MTMR9: variants seen among roughly 807,000 people sequenced by gnomAD.
MTMR9 encodes myotubularin-related protein 9.
A neutral mutation model predicts 69.5 loss-of-function variants in MTMR9; 39 were observed. The observed-to-expected ratio is 0.56, with a 90% confidence interval of 0.43 to 0.73. The LOEUF (loss-of-function observed/expected upper bound fraction) is 0.73. MTMR9 is among the 30% of genes least tolerant of loss of function. The probability of loss-of-function intolerance (pLI) is 0.00; values close to 1 mark genes in which losing one functional copy is unlikely to be tolerated. For synonymous variants in MTMR9, 354 were observed against 240.8 expected (o/e 1.47, Z -4.35); for missense variants, 900 against 671.2 (o/e 1.34, Z -3.77).
At chr8:11,295,906 C>G (rs1226839446) in intron 2 of MTMR9, among the ~76,000 whole-genome samples, 1 of 152,136 alleles carries the variant, frequency 6.6e-6, no homozygotes, top group Non-Finnish European at 1.5e-5. Flanking sequence ...CATCTGCCCT[C>G]TACAGAGTTC....
In MTMR9 at chr8:11,314,651, A is replaced by C. The variant is rs142749785; in HGVS notation, c.972-272A>C. ...AAAATTCAGCTAAAAGGTTCTGTGAAATTTGTTATAACTTAAAGAGGTCTT... is the reference window on the plus strand; with the variant it reads ...AAAATTCAGCTAAAAGGTTCTGTGACATTTGTTATAACTTAAAGAGGTCTT... On this transcript the variant is annotated intron_variant, in intron 6 of 9. Transcript: ENST00000221086. Among the ~76,000 whole-genome samples, 582 of 152,330 alleles carry C rather than the reference A, an allele frequency of 3.8e-3. 5 individuals are homozygous for C. Among genetic ancestry groups the C allele is most frequent in the African/African-American group, 0.013 (522 of 41,568 alleles).
intron 2 of MTMR9, chr8:11,298,947 A>G (rs1799656149): frequency 1.2e-6 from 1 of 842,324 alleles, no homozygotes; most frequent in South Asian, 5.4e-5. Flanking sequence ...GCATGAAAAT[A>G]TGATGATACA....
At chr8:11,331,001 G>A, downstream of MTMR9, 4 of 1,489,978 alleles carry the variant, frequency 2.7e-6, no homozygotes, top group Non-Finnish European at 2.7e-6. Context: ...CCTCAGGAGA[G>A]TTCCAGGGAA....
intron 5 of MTMR9, among the ~76,000 whole-genome samples, chr8:11,309,020 C>G (rs540218620): frequency 9.9e-5 from 15 of 152,220 alleles, no homozygotes; most frequent in Middle Eastern, 6.8e-3. Context: ...CCATATCGAC[C>G]TATTTTCGCA....
chr8:11,331,256 T>C (rs1801210965), downstream of MTMR9: 1 of 1,613,932 alleles, frequency 6.2e-7, no homozygotes, highest in Non-Finnish European at 8.5e-7. Flanking sequence ...GGGGCCTGCC[T>C]GCTGGCTTCG....
In MTMR9 at chr8:11,314,429, A is replaced by C. The variant is rs561701685; in HGVS notation, c.972-494A>C. On this transcript the variant is annotated intron_variant, in intron 6 of 9. Transcript: ENST00000221086. ...TTTCTCAAAGTGTGGTCTAGGTCTC[A>C]TTTTCCAGATTGAATTACAGTTTAT... Among the ~76,000 whole-genome samples the C allele has an allele frequency of 1.2e-4, 19 of 152,110 alleles. No individual in the cohort carries two copies. The South Asian group carries it at 3.7e-3, about 30-fold the overall frequency.
At position 11,325,389 on chromosome 8, in the gene MTMR9, C is replaced by G. The variant is rs1800885532; in HGVS notation, c.*2601C>G. Reference sequence around the variant, plus strand: ...GTTAAACATTGCATCGGAGAGCTGCCTTTGATAAATGTGCTGTTAAACACT... The same window carrying G: ...GTTAAACATTGCATCGGAGAGCTGCGTTTGATAAATGTGCTGTTAAACACT... On this transcript the variant is annotated 3_prime_UTR_variant, in exon 10 of 10. Transcript: ENST00000221086. 6.6e-6 allele frequency: 1 copy of G among 152,166 alleles called. No individual in the cohort carries two copies. The highest frequency in any genetic ancestry group is 6.5e-5 in the Admixed American group (1 of 15,276). The allele number at this position is 152,166 out of a possible 1,614,324, so 9.4% of individuals were successfully genotyped here.
intron 6 of MTMR9, 32 bp downstream of exon 6, chr8:11,309,720 C>T: frequency 1.9e-6 from 3 of 1,607,238 alleles, no homozygotes; most frequent in Non-Finnish European, 2.5e-6. Context: ...CTGAGCGAAA[C>T]ATGGCGCTGC....
the MTMR9 span, among the ~76,000 whole-genome samples, chr8:11,335,057 T>G: frequency 6.6e-6 from 1 of 152,184 alleles, no homozygotes; most frequent in African/African-American, 2.4e-5. Flanking sequence ...CTTTCAACAT[T>G]GTATGGGAAA....
chr8:11,338,498 C>T, the MTMR9 span, among the ~76,000 whole-genome samples: 2 of 152,052 alleles, frequency 1.3e-5, no homozygotes, highest in Admixed American at 1.3e-4. Flanking sequence ...CAGATGGCAA[C>T]AATTAATCTT....
rs148685240 is a variant in MTMR9, at chr8:11,322,767, C to T, written c.1629C>T (p.Asp543=). ...RRQLAELETE[D]GMQESP ...AGTTGGCAGAACTGGAAACAGAGGA[C>T]GGGATGCAGGAGAGTCCCTGAAAGG... Residue 543 remains aspartate (D), a synonymous_variant, in exon 10 of 10, where the codon GAC becomes GAT. Coordinates refer to ENST00000221086, the MANE Select transcript of MTMR9 (RefSeq NM_015458.4). 42 of 1,613,874 alleles carry T rather than the reference C, an allele frequency of 2.6e-5. No individual in the cohort carries two copies. Among genetic ancestry groups the T allele is most frequent in the African/African-American group, 2.4e-4 (18 of 74,996 alleles).
rs1056520605 is a variant in MTMR9, at chr8:11,325,913, G to A, written c.*3125G>A. The A allele has an allele frequency of 2.0e-5, 3 of 152,082 alleles. No homozygotes were observed. Among genetic ancestry groups the A allele is most frequent in the South Asian group, 2.1e-4 (1 of 4,816 alleles). The allele number at this position is 152,082 out of a possible 1,614,324, so 9.4% of individuals were successfully genotyped here. A position where few individuals can be genotyped will look rare whatever the true frequency, so the allele number is the denominator to read the frequency against. On this transcript the variant is annotated 3_prime_UTR_variant, in exon 10 of 10. Coordinates refer to ENST00000221086, the MANE Select transcript of MTMR9 (RefSeq NM_015458.4). ...TAAAGTGATTTTTGAGAAGACTTGG[G>A]GGGGACAATAATAGACATTCATGTC...
At chr8:11,319,937 A>G (rs1800600994) in intron 9 of MTMR9, 99 bp downstream of exon 9, 4 of 1,295,580 alleles carry the variant, frequency 3.1e-6, no homozygotes, top group Non-Finnish European at 4.3e-6. Flanking sequence ...GGTGAGCTGG[A>G]CGTGGCCCTC....
In MTMR9 at chr8:11,316,852, C is replaced by G. The variant is rs762673979; in HGVS notation, c.1293C>G (p.Ala431=). 1.2e-6 allele frequency: 2 copies of G among 1,611,686 alleles called. No individual in the cohort carries two copies. Among genetic ancestry groups the G allele is most frequent in the Middle Eastern group, 3.3e-4 (2 of 6,046 alleles). ...FLIMLFEHAY[A]SQFGTFLGNN... is the part of the protein sequence containing the mutation. ...TCATGCTCTTTGAGCATGCTTATGC[C>G]TCACAGTTTGGAACATTTCTGGGCA... The change falls in exon 8 of 10, where the codon GCC becomes GCG. Residue 431 remains alanine, a synonymous_variant. Transcript: ENST00000221086.
intron 3 of MTMR9, among the ~76,000 whole-genome samples, chr8:11,303,037 C>G (rs1213750475): frequency 6.6e-6 from 1 of 151,302 alleles, no homozygotes; most frequent in Non-Finnish European, 1.5e-5. Flanking sequence ...GTAAGTCATT[C>G]CCTCCGATTT....
At position 11,314,931 on chromosome 8, in the gene MTMR9, C is replaced by G; in HGVS notation, c.980C>G (p.Ala327Gly). Residue 327 changes from alanine to glycine, a missense_variant, in exon 7 of 10, where the codon GCA (alanine) becomes GGA (glycine). Ala to Gly is a moderately conservative substitution (Grantham distance 60). Transcript: ENST00000221086. ...CCTGATTTTCCTATCAGGGAAGGAG[C>G]ATCAATATTGATTCACGGAACAGAA... The part of the protein sequence containing the change: ...LAAQCIDREG[A>G]SILIHGTEGT... The G allele has an allele frequency of 6.2e-7, 1 of 1,613,722 alleles. No homozygotes were observed. Among genetic ancestry groups the G allele is most frequent in the Non-Finnish European group, 8.5e-7 (1 of 1,179,724 alleles).
chr8:11,297,509 G>T (rs1049916031), intron 2 of MTMR9, among the ~76,000 whole-genome samples: 16 of 151,172 alleles, frequency 1.1e-4, no homozygotes, highest in African/African-American at 3.7e-4. Context: ...CATTGAGCAT[G>T]TATGTGTTTG....
the MTMR9 span, among the ~76,000 whole-genome samples, chr8:11,336,320 A>G: frequency 6.6e-6 from 1 of 152,138 alleles, no homozygotes; most frequent in Non-Finnish European, 1.5e-5. Flanking sequence ...ATTTACCAGG[A>G]CCTGGGGTGG....
intron 1 of MTMR9, among the ~76,000 whole-genome samples, chr8:11,288,758 T>G (rs895182313): frequency 6.6e-6 from 1 of 152,072 alleles, no homozygotes; most frequent in Non-Finnish European, 1.5e-5. Context: ...AGGTGAAAGC[T>G]AGGAAGCAGC....
Sources: allele counts gnomAD v4.1 joint callset (sites outside exome capture counted in the v4.1 genomes callset), GRCh38; gene constraint gnomAD v4.1.1; transcripts MANE v1.5; gene names NCBI Gene and HGNC (gene_info 2026-07-23, HGNC 2026-07-21).